CTNNA2: variants seen among roughly 807,000 people sequenced by gnomAD.
CTNNA2 encodes the protein catenin alpha-2.
CTNNA2 carries 42 observed loss-of-function variants against 101.0 expected under a neutral mutation model. That is an observed-to-expected ratio of 0.42 (90% confidence interval 0.32 to 0.54). The LOEUF (loss-of-function observed/expected upper bound fraction) is 0.54. Ranked by LOEUF, CTNNA2 falls within the 20% of genes least tolerant of loss-of-function variation. CTNNA2 has a pLI of 0.14. For missense variants in CTNNA2, 871 were observed against 1,223.1 expected (o/e 0.71, Z 4.29); for synonymous variants, 450 against 456.4 (o/e 0.99, Z 0.18).
At chr2:80,606,684 T>TAATAG (rs1444697126) in intron 16 of CTNNA2, among the ~76,000 whole-genome samples, 1 of 151,962 alleles carries the variant, frequency 6.6e-6, no homozygotes, top group Non-Finnish European at 1.5e-5. Context: ...TTGGTTTAAA[T>TAATAG]AATAGAATAG....
rs183252521 is a variant in CTNNA2, at chr2:80,603,988, C to T, written c.2190-86C>T. The T allele has an allele frequency of 3.8e-4, 436 of 1,145,448 alleles. 4 individuals are homozygous for T. In the African/African-American group the frequency reaches 5.7e-3, roughly 15 times the overall value. The allele number at this position is 1,145,448 out of a possible 1,614,324, so 71.0% of individuals were successfully genotyped here. On this transcript the variant is annotated intron_variant, in intron 15 of 18. Coordinates refer to ENST00000402739, the MANE Select transcript of CTNNA2 (RefSeq NM_001282597.3). ...GGCCAGTGCCAAATAAAATACAACA[C>T]TAGACTCCTGGACAAAGGATATGGT...
intron 7 of CTNNA2, among the ~76,000 whole-genome samples, chr2:80,228,005 T>C (rs146212379): frequency 2.6e-5 from 4 of 152,172 alleles, no homozygotes; most frequent in African/African-American, 9.6e-5. Flanking sequence ...GATATGTGGC[T>C]GGTGGGTTCA....
rs1672544927 is a variant in CTNNA2 at position 80,344,531 on chromosome 2, C to CTGGA, written c.1057-48679_1057-48676dup. 3.3e-5 allele frequency among the ~76,000 whole-genome samples: 5 copies of CTGGA among 152,178 alleles called. No homozygotes were observed. The South Asian group carries it at 1.0e-3, about 32-fold the overall frequency. On this transcript the variant is annotated intron_variant, in intron 7 of 18. Transcript: ENST00000402739. ...CCTCAGTCTCACTCTGCCACCCAGG[C>CTGGA]TGGAGTGCAGTGCCATGATCTTGGC...
intron 1 of CTNNA2, among the ~76,000 whole-genome samples, chr2:79,629,089 C>T (rs911031814): frequency 2.0e-4 from 30 of 152,288 alleles, no homozygotes; most frequent in African/African-American, 7.0e-4. Context: ...CTCTCCACTT[C>T]CGTCCCTTCC....
At chr2:79,810,718 T>C (rs1477793426) in intron 3 of CTNNA2, among the ~76,000 whole-genome samples, 1 of 151,260 alleles carries the variant, frequency 6.6e-6, no homozygotes, top group Non-Finnish European at 1.5e-5. Flanking sequence ...TGATGTTCCC[T>C]TTCCTGTGTC....
At chr2:79,912,339 G>A (rs190389970) in intron 7 of CTNNA2, among the ~76,000 whole-genome samples, 2 of 152,304 alleles carry the variant, frequency 1.3e-5, no homozygotes, top group East Asian at 3.9e-4. Flanking sequence ...TATCACACCT[G>A]ATAGAAAAAG....
At chr2:79,813,020 G>C (rs986921661) in intron 3 of CTNNA2, among the ~76,000 whole-genome samples, 1 of 152,182 alleles carries the variant, frequency 6.6e-6, no homozygotes, top group Non-Finnish European at 1.5e-5. Flanking sequence ...CCACTAGTTA[G>C]ACTGGTTAGC....
intron 7 of CTNNA2, among the ~76,000 whole-genome samples, chr2:80,050,360 G>A (rs1696798250): frequency 6.6e-6 from 1 of 152,170 alleles, no homozygotes; most frequent in Non-Finnish European, 1.5e-5. Context: ...TTTTCTTAGA[G>A]ACTCAACAGA....
chr2:80,472,473 A>G (rs576407097), intron 9 of CTNNA2, among the ~76,000 whole-genome samples: 1 of 152,344 alleles, frequency 6.6e-6, no homozygotes, highest in Non-Finnish European at 1.5e-5. Context: ...TGGCACCCAT[A>G]GGCTGGAGCC....
chr2:79,690,628 G>T (rs1558841851), intron 2 of CTNNA2, among the ~76,000 whole-genome samples: 1 of 151,834 alleles, frequency 6.6e-6, no homozygotes, highest in Non-Finnish European at 1.5e-5. Flanking sequence ...TAGTAGATCA[G>T]CTAGGTATGT....
At chr2:79,646,212 T>A (rs951161535) in intron 1 of CTNNA2, among the ~76,000 whole-genome samples, 3 of 152,236 alleles carry the variant, frequency 2.0e-5, no homozygotes, top group African/African-American at 7.2e-5. Context: ...CGATGCATTG[T>A]ATTAACATAT....
intron 4 of CTNNA2, among the ~76,000 whole-genome samples, chr2:79,500,013 T>C (rs1052244041): frequency 6.6e-6 from 1 of 152,220 alleles, no homozygotes; most frequent in Non-Finnish European, 1.5e-5. Flanking sequence ...GGCTTTCAGC[T>C]GATTGGATGA....
chr2:80,599,357 A>G (rs541602547), intron 15 of CTNNA2, among the ~76,000 whole-genome samples: 1 of 152,064 alleles, frequency 6.6e-6, no homozygotes, highest in Non-Finnish European at 1.5e-5. Flanking sequence ...TCCACTTGAA[A>G]CCTATGCGAT....
At chr2:79,968,298 C>G (rs961610212) in intron 7 of CTNNA2, among the ~76,000 whole-genome samples, 5 of 152,144 alleles carry the variant, frequency 3.3e-5, no homozygotes, top group African/African-American at 1.2e-4. Context: ...TTTTCAGTCT[C>G]AGAACCCAGG....
At chr2:79,833,393 T>G (rs1290849576) in intron 3 of CTNNA2, among the ~76,000 whole-genome samples, 1 of 152,204 alleles carries the variant, frequency 6.6e-6, no homozygotes, top group Non-Finnish European at 1.5e-5. Context: ...ATTCCTGCCT[T>G]TGTCAGACTT....
At chr2:79,896,502 G>A (rs1263695361) in intron 6 of CTNNA2, among the ~76,000 whole-genome samples, 2 of 152,170 alleles carry the variant, frequency 1.3e-5, no homozygotes, top group African/African-American at 2.4e-5. Context: ...GTAAAGGTTG[G>A]GAAAAGGATA....
At chr2:80,073,197 T>C (rs947776078) in intron 7 of CTNNA2, among the ~76,000 whole-genome samples, 1 of 152,140 alleles carries the variant, frequency 6.6e-6, no homozygotes, top group African/African-American at 2.4e-5. Flanking sequence ...TTTAAGGAGT[T>C]CAAAGGATTT....
intron 1 of CTNNA2, among the ~76,000 whole-genome samples, chr2:79,192,106 G>A (rs1276411486): frequency 4.0e-5 from 6 of 151,886 alleles, no homozygotes; most frequent in African/African-American, 1.4e-4. Flanking sequence ...GCTGGTTTCT[G>A]TTTAACTCTT....
chr2:80,543,473 C>A (rs1297815222), intron 9 of CTNNA2, among the ~76,000 whole-genome samples: 1 of 152,182 alleles, frequency 6.6e-6, no homozygotes, highest in African/African-American at 2.4e-5. Context: ...GTCATAATTT[C>A]TCCTAGTACA....
Sources: gnomAD v4.1 joint callset for allele counts (sites outside exome capture counted in the v4.1 genomes callset) on GRCh38, gnomAD v4.1.1 for gene constraint, MANE v1.5 for transcripts, NCBI Gene and HGNC (gene_info 2026-07-23, HGNC 2026-07-21) for gene names.